CDH9: variants seen among roughly 807,000 people sequenced by gnomAD.
The protein encoded by CDH9 is cadherin 9.
In CDH9, 28 loss-of-function variants were observed where a neutral mutation model predicts 70.9. That is an observed-to-expected ratio of 0.40 (90% CI 0.29 to 0.54). The LOEUF is 0.54. CDH9 is among the 20% of genes least tolerant of loss of function. The pLI, the probability that CDH9 is intolerant of heterozygous loss-of-function variation, is 0.59. For synonymous variants in CDH9, 409 were observed against 343.1 expected (o/e 1.19, Z -2.12); for missense variants, 874 against 984.4 (o/e 0.89, Z 1.50).
At chr5:27,003,370 G>T (rs1742804810) in intron 1 of CDH9, among the ~76,000 whole-genome samples, 2 of 152,146 alleles carry the variant, frequency 1.3e-5, no homozygotes, top group Non-Finnish European at 2.9e-5. Context: ...GAGGAAGAGT[G>T]TAAATCCTCA....
intron 1 of CDH9, among the ~76,000 whole-genome samples, chr5:27,020,595 ATTG>A (rs1313345801): frequency 4.0e-5 from 6 of 151,698 alleles, no homozygotes; most frequent in East Asian, 1.9e-4. Context: ...TGTGCATATT[ATTG>A]TTAATTATAT....
At chr5:26,978,663 G>T (rs1246852472) in intron 2 of CDH9, among the ~76,000 whole-genome samples, 2 of 112,084 alleles carry the variant, frequency 1.8e-5, no homozygotes, top group African/African-American at 6.9e-5. Flanking sequence ...ATTTCAAACA[G>T]AATTAAAAAG....
At chr5:27,011,691 A>G (rs1381493652) in intron 1 of CDH9, among the ~76,000 whole-genome samples, 1 of 152,068 alleles carries the variant, frequency 6.6e-6, no homozygotes, top group Non-Finnish European at 1.5e-5. Flanking sequence ...TCACAGATAA[A>G]GGTAAGAGAT....
chr5:26,892,036 A>T (rs1334926155), intron 7 of CDH9, among the ~76,000 whole-genome samples: 2 of 152,204 alleles, frequency 1.3e-5, no homozygotes, highest in African/African-American at 4.8e-5. Flanking sequence ...ACTCTAGCCC[A>T]GTGAGACACA....
intron 2 of CDH9, among the ~76,000 whole-genome samples, chr5:26,928,557 C>T (rs1741385929): frequency 6.6e-6 from 1 of 151,976 alleles, no homozygotes; most frequent in South Asian, 2.1e-4. Flanking sequence ...GCACAAAGAA[C>T]CAAACTGTAG....
intron 2 of CDH9, among the ~76,000 whole-genome samples, chr5:26,940,425 A>C (rs1007705112): frequency 9.2e-5 from 14 of 152,314 alleles, no homozygotes; most frequent in African/African-American, 3.4e-4. Context: ...AATGGTACAC[A>C]TTATTAAAAA....
intron 2 of CDH9, among the ~76,000 whole-genome samples, chr5:26,975,898 G>A (rs763429066): frequency 2.0e-5 from 3 of 152,146 alleles, no homozygotes; most frequent in Non-Finnish European, 4.4e-5. Context: ...TGAGGAGACC[G>A]AGGTTAGCGT....
chr5:27,001,838 A>ACTCTCTCTCTCT (rs1186197846), intron 1 of CDH9, among the ~76,000 whole-genome samples: 115 of 123,198 alleles, frequency 9.3e-4, no homozygotes, highest in African/African-American at 3.8e-3. Context: ...ATACACACAC[A>ACTCTCTCTCTCT]CACACACTCT....
chr5:27,000,710 C>A (rs1046125894), intron 1 of CDH9, among the ~76,000 whole-genome samples: 2 of 151,922 alleles, frequency 1.3e-5, no homozygotes, highest in African/African-American at 2.4e-5. Flanking sequence ...GTGGAAAAAA[C>A]CTAGATTTTT....
chr5:26,951,315 AAAG>A (rs1741841910), intron 2 of CDH9, among the ~76,000 whole-genome samples: 1 of 150,666 alleles, frequency 6.6e-6, no homozygotes, highest in African/African-American at 2.5e-5. Context: ...AAAAAAAAAA[AAAG>A]GTATGTGCAT....
chr5:26,932,091 T>C (rs1286883553), intron 2 of CDH9, among the ~76,000 whole-genome samples: 2 of 151,544 alleles, frequency 1.3e-5, no homozygotes, highest in African/African-American at 4.8e-5. Flanking sequence ...TCAGTGATTA[T>C]TTAGAAGTGT....
chr5:26,981,327 T>G (rs1742395943), intron 2 of CDH9, among the ~76,000 whole-genome samples: 1 of 152,252 alleles, frequency 6.6e-6, no homozygotes, highest in Non-Finnish European at 1.5e-5. Context: ...TCATTCTGTT[T>G]ACTTAAAATC....
chr5:27,020,394 C>A (rs1388785766), intron 1 of CDH9, among the ~76,000 whole-genome samples: 2 of 151,380 alleles, frequency 1.3e-5, no homozygotes, highest in Admixed American at 1.3e-4. Flanking sequence ...TATATTTACA[C>A]AATTGGCATT....
chr5:26,970,053 T>C (rs1390207993), intron 2 of CDH9, among the ~76,000 whole-genome samples: 1 of 151,058 alleles, frequency 6.6e-6, no homozygotes, highest in Non-Finnish European at 1.5e-5. Flanking sequence ...TATTCTTAAG[T>C]TATAGCAAAG....
intron 1 of CDH9, among the ~76,000 whole-genome samples, chr5:26,993,128 A>G (rs961383251): frequency 1.3e-5 from 2 of 150,744 alleles, no homozygotes; most frequent in African/African-American, 4.9e-5. Flanking sequence ...AAGCATATCT[A>G]AGTAACATGG....
chr5:26,971,784 C>A (rs528310106), intron 2 of CDH9, among the ~76,000 whole-genome samples: 4 of 151,590 alleles, frequency 2.6e-5, no homozygotes, highest in Non-Finnish European at 4.4e-5. Flanking sequence ...CACACACACC[C>A]ATATGTGATA....
intron 1 of CDH9, among the ~76,000 whole-genome samples, chr5:27,036,465 G>T (rs1743394165): frequency 6.6e-6 from 1 of 151,826 alleles, no homozygotes; most frequent in African/African-American, 2.4e-5. Context: ...TTTCCTTCAT[G>T]CAATGAATGC....
Position 26,906,575 on chromosome 5 carries a change from T to G in CDH9, c.643+144A>C, listed in dbSNP as rs1015868385. The G allele has an allele frequency of 4.8e-6, 6 of 1,245,402 alleles. No individual in the cohort carries two copies. The African/African-American group carries it at 9.1e-5, about 19-fold the overall frequency. The allele number at this position is 1,245,402 out of a possible 1,614,324, so 77.1% of individuals were successfully genotyped here. ...ATTAAAATAATAGAAAGTTTGCATTTGTTTACATCCAATAATGACAGGAAA... is the reference window on the plus strand; with the variant it reads ...ATTAAAATAATAGAAAGTTTGCATTGGTTTACATCCAATAATGACAGGAAA... On this transcript the variant is annotated intron_variant, in intron 4 of 11. Transcript: ENST00000231021.
intron 2 of CDH9, among the ~76,000 whole-genome samples, chr5:26,980,080 A>C (rs1178658587): frequency 6.6e-6 from 1 of 151,892 alleles, no homozygotes; most frequent in African/African-American, 2.4e-5. Flanking sequence ...TCAAGTATAT[A>C]AGAAACATTT....
Sources: allele counts gnomAD v4.1 joint callset (sites outside exome capture counted in the v4.1 genomes callset), GRCh38; gene constraint gnomAD v4.1.1; transcripts MANE v1.5; gene names NCBI Gene and HGNC (gene_info 2026-07-23, HGNC 2026-07-21).